Variants in DKC1 observed in about 807,000 individuals in gnomAD.
DKC1 encodes H/ACA ribonucleoprotein complex subunit DKC1.
Under a neutral mutation model 46.7 loss-of-function variants are expected in DKC1, and 4 were observed. The ratio of observed to expected loss-of-function variants is 0.09; its 90% confidence interval spans 0.04 to 0.20. The LOEUF (loss-of-function observed/expected upper bound fraction) is 0.20, where lower values mean the gene tolerates loss of function less well. DKC1 is among the 10% of genes least tolerant of loss of function. The pLI is 1.00. For synonymous variants in DKC1, 141 were observed against 142.4 expected, an observed-to-expected ratio of 0.99 and a Z score of 0.07; for missense variants, 171 against 404.2, an observed-to-expected ratio of 0.42 and a Z score of 4.95.
At chrX:154,774,141 C>T (rs974662124) in intron 11 of DKC1, among the ~76,000 whole-genome samples, 1 of 112,238 alleles carries the variant, frequency 8.9e-6, no homozygotes, top group African/African-American at 3.2e-5. Flanking sequence ...GCATTACTCA[C>T]GTAATCACAC....
chrX:154,771,752 G>A (rs1557264994), intron 10 of DKC1, among the ~76,000 whole-genome samples: 2 of 111,826 alleles, frequency 1.8e-5, no homozygotes, highest in African/African-American at 3.3e-5. Context: ...GTAATCCATC[G>A]TGTATATGTA....
At position 154,764,464 on chromosome X, in the gene DKC1, C is replaced by T. The variant is rs1385829923; in HGVS notation, c.17-435C>T. 3.6e-5 allele frequency among the ~76,000 whole-genome samples: 4 copies of T among 111,228 alleles called. No homozygotes were observed. In the Admixed American group the frequency reaches 3.8e-4, roughly 11 times the overall value. ...ATAAATCAACCTTAGCTTACTGTAACTTTATAAACTTTTTACTTCGACTGT... is the reference window on the plus strand; with the variant it reads ...ATAAATCAACCTTAGCTTACTGTAATTTTATAAACTTTTTACTTCGACTGT... On this transcript the variant is annotated intron_variant, in intron 1 of 14. Coordinates refer to ENST00000369550, the MANE Select transcript of DKC1 (RefSeq NM_001363.5).
At chrX:154,763,726 A>G (rs2071710122) in intron 1 of DKC1, among the ~76,000 whole-genome samples, 1 of 112,233 alleles carries the variant, frequency 8.9e-6, no homozygotes. Flanking sequence ...GGCATAGGCT[A>G]CTACACACCT....
At chrX:154,765,817 C>T (rs2071737853) in intron 3 of DKC1, 90 bp from the exon 4 acceptor site, 1 of 702,769 alleles carries the variant, frequency 1.4e-6, no homozygotes, top group African/African-American at 2.1e-5. Flanking sequence ...AGACCTATGC[C>T]AGTTTGTGGG....
At chrX:154,772,147 GTCT>G (rs1851283555) in intron 10 of DKC1, among the ~76,000 whole-genome samples, 1 of 112,232 alleles carries the variant, frequency 8.9e-6, no homozygotes, top group African/African-American at 3.2e-5. Flanking sequence ...CCATTTATTT[GTCT>G]TCTTTTGAGA....
chrX:154,764,682 G>T (rs920089307), intron 1 of DKC1, among the ~76,000 whole-genome samples: 8 of 111,247 alleles, frequency 7.2e-5, no homozygotes, highest in African/African-American at 2.6e-4. Context: ...GGATCATCAA[G>T]ACATCACTAG....
intron 8 of DKC1, 108 bp from the exon 9 acceptor site, chrX:154,769,059 A>G: frequency 1.3e-6 from 1 of 750,393 alleles, no homozygotes; most frequent in Non-Finnish European, 2.1e-6. Flanking sequence ...CTGAAGACAT[A>G]ATGAGCTTGG....
intron 1 of DKC1, among the ~76,000 whole-genome samples, chrX:154,763,495 C>T (rs782234877): frequency 1.8e-5 from 2 of 112,348 alleles, no homozygotes; most frequent in South Asian, 7.4e-4. Context: ...TGCGTGAGCG[C>T]TTCTGTGGGA....
chrX:154,770,624 C>A, intron 9 of DKC1, 135 bp from the exon 10 acceptor site: 1 of 844,233 alleles, frequency 1.2e-6, no homozygotes, highest in Admixed American at 2.3e-5. Context: ...ATGCCCCTTG[C>A]AGCTAGTGGG....
intron 9 of DKC1, 23 bp from the exon 10 acceptor site, chrX:154,770,736 T>TA: frequency 8.3e-7 from 1 of 1,210,613 alleles, no homozygotes; most frequent in East Asian, 3.0e-5. Context: ...CTGGGCCCCT[T>TA]ACACTTGGTG....
Position 154,762,986 on chromosome X carries a change from G to C in DKC1, c.16+5G>C. The C allele has an allele frequency of 2.5e-6, 3 of 1,181,534 alleles. No homozygotes were observed. The highest frequency in any genetic ancestry group is 3.4e-6 in the Non-Finnish European group (3 of 879,683). On this transcript the variant is annotated splice_donor_5th_base_variant and intron_variant, in intron 1 of 14. Coordinates refer to ENST00000369550, the MANE Select transcript of DKC1 (RefSeq NM_001363.5). ...GTAACATGGCGGATGCGGAAGGTAA[G>C]GGCTGCAGGCTTCCGGGCCGTGCTA...
rs2071775112 is a variant in DKC1, at chrX:154,768,208, A to C, written c.641-94A>C. 9.6e-6 allele frequency: 10 copies of C among 1,040,288 alleles called. No individual in the cohort carries two copies. The East Asian group carries it at 1.2e-4, about 13-fold the overall frequency. 85.7% of individuals were successfully genotyped at this position (1,040,288 alleles called of 1,213,427 possible). ...TTTAAGAAGTGTGTCTGTCACCTCT[A>C]GTCTTGGTGGCTCAGATGAAGGATA... On this transcript the variant is annotated intron_variant, in intron 7 of 14. Transcript: ENST00000369550.
At chrX:154,765,409 G>C (rs782269755) in intron 2 of DKC1, 35 bp from the exon 3 acceptor site, 3 of 1,097,919 alleles carry the variant, frequency 2.7e-6, no homozygotes. Flanking sequence ...AATCGGGTGG[G>C]AAGTTTAATA....
At chrX:154,775,072 GTTC>G (rs781973627) in intron 12 of DKC1, 120 bp from the exon 13 acceptor site, 12 of 686,715 alleles carry the variant, frequency 1.7e-5, no homozygotes, top group Non-Finnish European at 2.9e-5. Flanking sequence ...TAAGTGGTGA[GTTC>G]TTCTGTCCAG....
chrX:154,768,962 C>G (rs1475210820), intron 8 of DKC1, among the ~76,000 whole-genome samples: 6 of 98,162 alleles, frequency 6.1e-5, no homozygotes, highest in Non-Finnish European at 1.2e-4. Flanking sequence ...AGTCCGCAGT[C>G]CCACCTGGGC....
At chrX:154,763,085 CGGCGT>C in intron 1 of DKC1, 104 bp downstream of exon 1, 1 of 988,217 alleles carries the variant, frequency 1.0e-6, no homozygotes, top group Non-Finnish European at 1.4e-6. Context: ...TGGTTCCCGC[CGGCGT>C]GTCGGCCTCT....
chrX:154,776,364 T>A, intron 14 of DKC1, 40 bp downstream of exon 14: 1 of 1,166,313 alleles, frequency 8.6e-7, no homozygotes. Flanking sequence ...GCTGGCTTAG[T>A]CCCTGCGTGG....
intron 13 of DKC1, 40 bp from the exon 14 acceptor site, chrX:154,776,147 T>C: frequency 8.3e-7 from 1 of 1,210,292 alleles, no homozygotes; most frequent in Non-Finnish European, 1.1e-6. Context: ...TGTCCATTAT[T>C]GCCCAAGATC....
chrX:154,765,773 A>G lies in DKC1; in HGVS notation c.172-134A>G, dbSNP rs782073684. 1.2e-4 allele frequency: 71 copies of G among 577,253 alleles called. No homozygotes were observed. The Middle Eastern group carries it at 1.8e-3, about 14-fold the overall frequency. The allele number at this position is 577,253 out of a possible 1,213,427, so 47.6% of individuals were successfully genotyped here. On this transcript the variant is annotated intron_variant, in intron 3 of 14. Transcript: ENST00000369550. ...CAATGTTAAATTGCTGAGTTTGTCAACAGTTCTCAGTTTTTGTACTTAGTC... is the reference window on the plus strand; with the variant it reads ...CAATGTTAAATTGCTGAGTTTGTCAGCAGTTCTCAGTTTTTGTACTTAGTC...
Sources: allele counts gnomAD v4.1 joint callset (sites outside exome capture counted in the v4.1 genomes callset), GRCh38; gene constraint gnomAD v4.1.1; transcripts MANE v1.5; gene names NCBI Gene and HGNC (gene_info 2026-07-23, HGNC 2026-07-21).